CCR5AS: variants seen among roughly 807,000 people sequenced by gnomAD.
CCR5AS encodes the protein CCR5 antisense RNA.
At chr3:46,380,302 G>A (rs1701804564) in intron 2 of CCR5AS, among the ~76,000 whole-genome samples, 1 of 152,130 alleles carries the variant, frequency 6.6e-6, no homozygotes, top group Non-Finnish European at 1.5e-5. Flanking sequence ...TCTGGTGAAG[G>A]GGAAGTAAAA....
chr3:46,396,419 T>G (rs1308914244), intron 1 of CCR5AS, among the ~76,000 whole-genome samples: 1 of 152,176 alleles, frequency 6.6e-6, no homozygotes, highest in African/African-American at 2.4e-5. Context: ...CTTTAGAAAT[T>G]TCTGTTTCCA....
chr3:46,385,885 C>A (rs1042190320), intron 2 of CCR5AS, among the ~76,000 whole-genome samples: 2 of 152,008 alleles, frequency 1.3e-5, no homozygotes, highest in African/African-American at 4.8e-5. Flanking sequence ...GGACTACAGG[C>A]GCCCACCACA....
chr3:46,384,845 G>A (rs1337809401), intron 2 of CCR5AS, among the ~76,000 whole-genome samples: 1 of 150,344 alleles, frequency 6.7e-6, no homozygotes, highest in African/African-American at 2.5e-5. Context: ...AGATGGATAG[G>A]GTACATAGAT....
chr3:46,393,902 T>C (rs1450209502), intron 1 of CCR5AS, among the ~76,000 whole-genome samples: 1 of 152,220 alleles, frequency 6.6e-6, no homozygotes, highest in Non-Finnish European at 1.5e-5. Flanking sequence ...CCAAACAACA[T>C]TTTCCCTCCT....
At chr3:46,406,236 A>C (rs376777777) in intron 1 of CCR5AS, among the ~76,000 whole-genome samples, 5 of 152,184 alleles carry the variant, frequency 3.3e-5, no homozygotes, top group African/African-American at 1.2e-4. Context: ...ATCCTACCTC[A>C]GACACATCTT....
chr3:46,387,299 G>T (rs558397201), intron 2 of CCR5AS, among the ~76,000 whole-genome samples: 2 of 152,184 alleles, frequency 1.3e-5, no homozygotes, highest in Non-Finnish European at 2.9e-5. Flanking sequence ...TCACAGAACT[G>T]CCCTGGGTCA....
intron 1 of CCR5AS, among the ~76,000 whole-genome samples, chr3:46,403,198 AC>A (rs1331054192): frequency 1.3e-5 from 2 of 152,190 alleles, no homozygotes; most frequent in Admixed American, 6.5e-5. Flanking sequence ...GCTGCAATGA[AC>A]ATTCACATGC....
At chr3:46,383,586 C>T (rs1484442069) in intron 2 of CCR5AS, among the ~76,000 whole-genome samples, 1 of 152,096 alleles carries the variant, frequency 6.6e-6, no homozygotes, top group Non-Finnish European at 1.5e-5. Flanking sequence ...AGGAGAGCAA[C>T]CAATAAACCC....
At chr3:46,384,882 TAGATAGATA>T (rs1364959640) in intron 2 of CCR5AS, among the ~76,000 whole-genome samples, 5 of 151,498 alleles carry the variant, frequency 3.3e-5, no homozygotes, top group African/African-American at 7.3e-5. Flanking sequence ...GATAGATAGA[TAGATAGATA>T]GATAGATAGA....
intron 1 of CCR5AS, among the ~76,000 whole-genome samples, chr3:46,393,442 G>A (rs1312252827): frequency 7.4e-6 from 1 of 135,226 alleles, no homozygotes; most frequent in East Asian, 2.1e-4. Flanking sequence ...CTGCACTCCT[G>A]CCTGGGCAAC....
intron 1 of CCR5AS, among the ~76,000 whole-genome samples, chr3:46,396,607 A>C (rs1255546737): frequency 1.3e-5 from 2 of 152,202 alleles, no homozygotes; most frequent in Admixed American, 1.3e-4. Context: ...CTTTCTGGGA[A>C]CTGGAGCTGC....
chr3:46,374,456 C>T (rs1701724219), intron 2 of CCR5AS: 1 of 167,280 alleles, frequency 6.0e-6, no homozygotes, highest in African/African-American at 2.4e-5. Flanking sequence ...AGAAATGACA[C>T]TTTTCATGTG....
intron 2 of CCR5AS, among the ~76,000 whole-genome samples, chr3:46,379,029 T>G (rs572076222): frequency 3.3e-5 from 5 of 152,122 alleles, no homozygotes; most frequent in East Asian, 3.9e-4. Context: ...ACTTCTATTT[T>G]TTTTATTATA....
At chr3:46,384,049 GA>G (rs1344307596) in intron 2 of CCR5AS, among the ~76,000 whole-genome samples, 7 of 152,240 alleles carry the variant, frequency 4.6e-5, no homozygotes, top group Admixed American at 1.3e-4. Context: ...GTGAGTTTAA[GA>G]GCAGAGGTTT....
chr3:46,372,625 T>C (rs571339706), intron 2 of CCR5AS: 6 of 305,256 alleles, frequency 2.0e-5, no homozygotes, highest in East Asian at 1.4e-4. Flanking sequence ...CATGGTGCTA[T>C]AGAGCACAAG....
intron 2 of CCR5AS, among the ~76,000 whole-genome samples, chr3:46,391,330 T>C (rs1413216145): frequency 2.6e-5 from 4 of 152,218 alleles, no homozygotes; most frequent in Admixed American, 1.3e-4. Flanking sequence ...CTCAGAAATA[T>C]GTTGTCACTT....
Position 46,367,625 on chromosome 3 carries a change from C to T in CCR5AS, n.566-2580G>A, listed in dbSNP as rs536311481. Among the ~76,000 whole-genome samples the T allele has an allele frequency of 3.3e-5, 5 of 152,274 alleles. No individual in the cohort carries two copies. The South Asian group carries it at 1.0e-3, about 32-fold the overall frequency. On this transcript the variant is annotated intron_variant and non_coding_transcript_variant, in intron 3 of 3. Transcript: ENST00000451485. ...GCTTGCTGTCACCCAGGTTGGAGTGCAATGGCCCAATCTTGGTTCACTGCA... is the reference window on the plus strand; with the variant it reads ...GCTTGCTGTCACCCAGGTTGGAGTGTAATGGCCCAATCTTGGTTCACTGCA...
chr3:46,385,782 C>T (rs1316943727), intron 2 of CCR5AS, among the ~76,000 whole-genome samples: 1 of 151,396 alleles, frequency 6.6e-6, no homozygotes. Context: ...GTTCTGTCAC[C>T]CAGGCTGGAG....
chr3:46,366,444 C>G (rs969134201), intron 3 of CCR5AS, among the ~76,000 whole-genome samples: 27 of 152,218 alleles, frequency 1.8e-4, no homozygotes, highest in African/African-American at 6.5e-4. Context: ...AGCCTCACGC[C>G]TAGACACCGA....
Sources: allele counts gnomAD v4.1 joint callset (sites outside exome capture counted in the v4.1 genomes callset), GRCh38; gene constraint gnomAD v4.1.1; transcripts MANE v1.5; gene names NCBI Gene and HGNC (gene_info 2026-07-23, HGNC 2026-07-21).